SESTD1: variants seen among roughly 807,000 people sequenced by gnomAD.
SESTD1 encodes SEC14 and spectrin domain containing 1, also known as SEC14 domain and spectrin repeat-containing protein 1.
Under a neutral mutation model 101.7 loss-of-function variants are expected in SESTD1, and 43 were observed. The observed-to-expected ratio is 0.42, with a 90% CI of 0.33 to 0.55. The LOEUF is 0.55. SESTD1 is among the 20% of genes least tolerant of loss of function. The pLI is 0.07. For synonymous variants in SESTD1, 283 were observed against 286.8 expected, an observed-to-expected ratio of 0.99 and a Z score of 0.13; for missense variants, 647 against 815.1, an observed-to-expected ratio of 0.79 and a Z score of 2.51.
intron 8 of SESTD1, among the ~76,000 whole-genome samples, chr2:179,145,268 T>C (rs2045369606): frequency 6.6e-6 from 1 of 152,234 alleles, no homozygotes; most frequent in Non-Finnish European, 1.5e-5. Context: ...AGAAGCAGCA[T>C]AGCATAATGA....
chr2:179,220,094 AAAATTC>A (rs61617661), intron 1 of SESTD1, among the ~76,000 whole-genome samples: 23,293 of 151,984 alleles, frequency 0.15, 2,096 homozygotes, highest in African/African-American at 0.25. Flanking sequence ...TACTATATTT[AAAATTC>A]AAAAGTCTAC....
Position 179,161,942 on chromosome 2 carries a change from G to A in SESTD1, c.369+10178C>T, listed in dbSNP as rs187805225. Reference sequence around the variant, plus strand: ...TATGTTTTTTACCATTATTTTTAGAGTACTAAAGACATCTTGATATGCTAC... The same window carrying A: ...TATGTTTTTTACCATTATTTTTAGAATACTAAAGACATCTTGATATGCTAC... On this transcript the variant is annotated intron_variant, in intron 5 of 17. Transcript: ENST00000428443. Among the ~76,000 whole-genome samples, 9 of 152,142 alleles carry A rather than the reference G, an allele frequency of 5.9e-5. No individual in the cohort carries two copies. The East Asian group carries it at 1.7e-3, about 29-fold the overall frequency.
chr2:179,183,079 C>A lies in SESTD1; in HGVS notation c.164+1G>T. On this transcript the variant is annotated splice_donor_variant, in intron 3 of 17. Transcript: ENST00000428443. LOFTEE classifies it high-confidence loss of function. ...TTAAGAAAAGACACCTTTAGAGTCA[C>A]CTTGGAATGCTGAGTAGGTAGTCTA... 6.3e-7 allele frequency: 1 copy of A among 1,591,182 alleles called. No individual in the cohort carries two copies.
chr2:179,229,758 T>TATATATATATAC (rs1553529840), intron 1 of SESTD1, among the ~76,000 whole-genome samples: 1 of 124,756 alleles, frequency 8.0e-6, no homozygotes, highest in Non-Finnish European at 1.7e-5. Context: ...CTTATATATA[T>TATATATATATAC]ATATATATAT....
intron 15 of SESTD1, among the ~76,000 whole-genome samples, 159 bp from the exon 16 acceptor site, chr2:179,115,415 A>T (rs536343422): frequency 6.6e-6 from 1 of 152,348 alleles, no homozygotes; most frequent in East Asian, 1.9e-4. Flanking sequence ...ATCTGTGTGT[A>T]TAAGTAATAA....
At chr2:179,214,621 C>T (rs1412216496) in intron 1 of SESTD1, among the ~76,000 whole-genome samples, 1 of 134,590 alleles carries the variant, frequency 7.4e-6, no homozygotes, top group East Asian at 2.0e-4. Flanking sequence ...TTGAACTCAG[C>T]TCTGCACCAA....
At chr2:179,186,890 C>G (rs985023449) in intron 2 of SESTD1, among the ~76,000 whole-genome samples, 1 of 152,138 alleles carries the variant, frequency 6.6e-6, no homozygotes, top group East Asian at 1.9e-4. Context: ...TCAGATCACA[C>G]ACAATGGGAA....
chr2:179,212,129 A>C (rs2046658610), intron 1 of SESTD1, among the ~76,000 whole-genome samples: 2 of 135,104 alleles, frequency 1.5e-5, no homozygotes, highest in Non-Finnish European at 3.2e-5. Context: ...TACCTGGTTC[A>C]TCTCACTGGG....
At chr2:179,136,902 T>C (rs2045158375) in intron 9 of SESTD1, among the ~76,000 whole-genome samples, 1 of 152,122 alleles carries the variant, frequency 6.6e-6, no homozygotes, top group Admixed American at 6.5e-5. Context: ...TATATGTATA[T>C]ATATATGGCC....
In SESTD1 at chr2:179,154,675, T is replaced by C. The variant is rs1575447528; in HGVS notation, c.370-3284A>G. Among the ~76,000 whole-genome samples, 6 of 152,308 alleles carry C rather than the reference T, an allele frequency of 3.9e-5. No individual in the cohort carries two copies. The South Asian group carries it at 1.2e-3, about 32-fold the overall frequency. On this transcript the variant is annotated intron_variant, in intron 5 of 17. Coordinates refer to ENST00000428443, the MANE Select transcript of SESTD1 (RefSeq NM_178123.5). ...ACACATGTAAATTATACCACAGGGA[T>C]ACTTTCAGAAATATGCAGACTACTG...
intron 10 of SESTD1, among the ~76,000 whole-genome samples, chr2:179,127,184 C>T (rs1050984684): frequency 2.0e-5 from 3 of 152,202 alleles, no homozygotes; most frequent in African/African-American, 7.2e-5. Flanking sequence ...CACCAACATT[C>T]TTGCTGTTCC....
At chr2:179,263,607 TCGG>T (rs1340516662) in intron 1 of SESTD1, among the ~76,000 whole-genome samples, 4 of 150,562 alleles carry the variant, frequency 2.7e-5, no homozygotes, top group African/African-American at 9.9e-5. Flanking sequence ...AGTTACTCCC[TCGG>T]CAGCACTCCC....
At chr2:179,197,412 CA>C (rs1450046786) in intron 1 of SESTD1, among the ~76,000 whole-genome samples, 13 of 152,138 alleles carry the variant, frequency 8.5e-5, no homozygotes, top group Admixed American at 8.5e-4. Context: ...AGAACTTCCC[CA>C]ATCTAGCAAG....
In SESTD1 at chr2:179,115,282, T is replaced by C. The variant is rs1272492669; in HGVS notation, c.1648-26A>G. The C allele has an allele frequency of 3.9e-6, 6 of 1,532,110 alleles. No homozygotes were observed. The African/African-American group carries it at 8.5e-5, about 22-fold the overall frequency. 94.9% of individuals were successfully genotyped at this position (1,532,110 alleles called of 1,614,324 possible). ...CTAAAAAAGAAAAGGAAACATAAAATTGTAATAAAAGAATTCTTAAGAGAA... is the reference window on the plus strand; with the variant it reads ...CTAAAAAAGAAAAGGAAACATAAAACTGTAATAAAAGAATTCTTAAGAGAA... On this transcript the variant is annotated intron_variant, in intron 15 of 17. Coordinates refer to ENST00000428443, the MANE Select transcript of SESTD1 (RefSeq NM_178123.5).
intron 1 of SESTD1, among the ~76,000 whole-genome samples, chr2:179,225,300 C>G (rs1347427104): frequency 6.6e-6 from 1 of 151,974 alleles, no homozygotes. Context: ...CCTACAGAAG[C>G]CCTACTCTTA....
At chr2:179,248,488 A>G (rs2047266030) in intron 1 of SESTD1, among the ~76,000 whole-genome samples, 1 of 152,190 alleles carries the variant, frequency 6.6e-6, no homozygotes, top group Non-Finnish European at 1.5e-5. Context: ...ACTAAATATT[A>G]GCAAATAGTA....
intron 1 of SESTD1, among the ~76,000 whole-genome samples, chr2:179,228,102 C>G (rs910446011): frequency 6.6e-6 from 1 of 152,208 alleles, no homozygotes; most frequent in Admixed American, 6.5e-5. Flanking sequence ...CTATCAATCA[C>G]TGAGACAATA....
intron 1 of SESTD1, among the ~76,000 whole-genome samples, chr2:179,247,315 T>C (rs1171436786): frequency 2.6e-5 from 4 of 152,218 alleles, no homozygotes; most frequent in African/African-American, 9.6e-5. Context: ...GGGATAAGCA[T>C]ATTAAAAAAT....
chr2:179,238,181 G>T (rs2047097085), intron 1 of SESTD1, among the ~76,000 whole-genome samples: 1 of 152,076 alleles, frequency 6.6e-6, no homozygotes, highest in Admixed American at 6.5e-5. Flanking sequence ...CATCATCCTT[G>T]TTGTCTTTAC....
Sources: gnomAD v4.1 joint callset for allele counts (sites outside exome capture counted in the v4.1 genomes callset) on GRCh38, gnomAD v4.1.1 for gene constraint, MANE v1.5 for transcripts, NCBI Gene and HGNC (gene_info 2026-07-23, HGNC 2026-07-21) for gene names.